The following TEX10 variants were observed in gnomAD, a reference collection of about 807,000 sequenced individuals.
The protein encoded by TEX10 is testis expressed 10.
TEX10 carries 24 observed loss-of-function variants against 104.4 expected under a neutral mutation model. The ratio of observed to expected loss-of-function variants is 0.23; its 90% confidence interval spans 0.17 to 0.32. The LOEUF (loss-of-function observed/expected upper bound fraction) is 0.32. Ranked by LOEUF, TEX10 falls within the 10% of genes least tolerant of loss-of-function variation. The probability of loss-of-function intolerance (pLI) is 1.00; values close to 1 mark genes in which losing one functional copy is unlikely to be tolerated. For missense variants in TEX10, 921 were observed against 1,083.9 expected (o/e 0.85, Z 2.11); for synonymous variants, 396 against 393.4 (o/e 1.01, Z -0.08).
At chr9:100,311,594 T>C (rs1211996106) in intron 11 of TEX10, among the ~76,000 whole-genome samples, 1 of 152,172 alleles carries the variant, frequency 6.6e-6, no homozygotes, top group African/African-American at 2.4e-5. Flanking sequence ...CAGAAAAATA[T>C]TTATGACCCA....
intron 5 of TEX10, among the ~76,000 whole-genome samples, chr9:100,337,801 T>C (rs1473344791): frequency 1.3e-5 from 2 of 152,228 alleles, no homozygotes; most frequent in African/African-American, 4.8e-5. Context: ...ATCCCTTGCA[T>C]TTCTGCCTCC....
At chr9:100,341,645 T>C (rs945115393) in intron 4 of TEX10, among the ~76,000 whole-genome samples, 2 of 152,122 alleles carry the variant, frequency 1.3e-5, no homozygotes, top group Admixed American at 6.5e-5. Flanking sequence ...ATTACTGCAA[T>C]AGCCTCCTAA....
chr9:100,349,151 T>C (rs1564223265), intron 2 of TEX10, 33 bp downstream of exon 2: 5 of 1,494,030 alleles, frequency 3.3e-6, no homozygotes, highest in Non-Finnish European at 4.5e-6. Context: ...CCAAAGAAAA[T>C]CTTATTTTGT....
intron 5 of TEX10, among the ~76,000 whole-genome samples, chr9:100,330,439 A>G (rs1834828616): frequency 1.3e-5 from 2 of 152,232 alleles, no homozygotes; most frequent in East Asian, 1.9e-4. Context: ...AAATGCCCTT[A>G]TAATATTGCC....
At position 100,347,214 on chromosome 9, in the gene TEX10, G is replaced by A. The variant is rs1835321345; in HGVS notation, c.373C>T (p.Leu125=). 1.9e-6 allele frequency: 3 copies of A among 1,613,946 alleles called. 1 individual carries two copies. In the South Asian group the frequency reaches 3.3e-5, roughly 18 times the overall value. ...RLAAVQLLQF[L]APKIRAEQIS... is the part of the protein sequence containing the mutation. Reference sequence around the variant, plus strand: ...TGTTCAGCTCGTATTTTGGGGGCCAGGAATTGAAGAAGTTGAACTGCTGCT... The same window carrying A: ...TGTTCAGCTCGTATTTTGGGGGCCAAGAATTGAAGAAGTTGAACTGCTGCT... The change falls in exon 3 of 15, where the codon CTG becomes TTG. Residue 125 remains leucine, a synonymous_variant. Coordinates refer to ENST00000374902, the MANE Select transcript of TEX10 (RefSeq NM_017746.4).
At chr9:100,314,991 A>G (rs1834379272) in intron 11 of TEX10, among the ~76,000 whole-genome samples, 1 of 152,246 alleles carries the variant, frequency 6.6e-6, no homozygotes, top group Non-Finnish European at 1.5e-5. Flanking sequence ...GCTCAAGAGC[A>G]CGTCATCGTT....
At chr9:100,313,199 A>G (rs954373986) in intron 11 of TEX10, among the ~76,000 whole-genome samples, 1 of 152,174 alleles carries the variant, frequency 6.6e-6, no homozygotes, top group Non-Finnish European at 1.5e-5. Flanking sequence ...TTGCATTCTC[A>G]CTGGACAAGC....
At chr9:100,340,961 C>T (rs986187334) in intron 4 of TEX10, among the ~76,000 whole-genome samples, 4 of 151,972 alleles carry the variant, frequency 2.6e-5, no homozygotes, top group Non-Finnish European at 4.4e-5. Context: ...GGTCACCCTA[C>T]AGCTCAATTT....
Position 100,340,351 on chromosome 9 carries a change from T to C in TEX10, c.1156A>G (p.Asn386Asp). ...THKLESWLRK[N>D]YLIDFKHHFM... ...TGGTGTTTAAAATCAATAAGGTAGT[T>C]CTTTCGAAGCCATGACTCCTATTGA... is the stretch of plus-strand genomic sequence containing the variant. Residue 386 changes from asparagine (N) to aspartate (D), a missense_variant, in exon 5 of 15, where the codon AAC (asparagine) becomes GAC (aspartate). This residue lies in a region of TEX10 where 753 missense variants were observed against 868.4 expected (regional missense o/e 0.87). Coordinates refer to ENST00000374902, the MANE Select transcript of TEX10 (RefSeq NM_017746.4). 2 of 1,562,102 alleles carry C rather than the reference T, an allele frequency of 1.3e-6. No individual in the cohort carries two copies. Among genetic ancestry groups the C allele is most frequent in the Non-Finnish European group, 1.7e-6 (2 of 1,162,688 alleles).
In TEX10 at chr9:100,302,164, C is replaced by A; in HGVS notation, c.*27G>T. The stretch of plus-strand genomic sequence containing the variant: ...AAATAAGATAGATGTGAATAAACAA[C>A]TTCAAACAGGAGGTACTATGGCCTC... On this transcript the variant is annotated 3_prime_UTR_variant, in exon 15 of 15. Transcript: ENST00000374902. The A allele has an allele frequency of 7.3e-7, 1 of 1,373,660 alleles. No individual in the cohort carries two copies. The highest frequency in any genetic ancestry group is 1.4e-5 in the South Asian group (1 of 70,150). The allele number at this position is 1,373,660 out of a possible 1,614,324, so 85.1% of individuals were successfully genotyped here. A position where few individuals can be genotyped will look rare whatever the true frequency, so the allele number is the denominator to read the frequency against.
chr9:100,309,640 A>G (rs1834225019), intron 12 of TEX10, among the ~76,000 whole-genome samples: 1 of 152,240 alleles, frequency 6.6e-6, no homozygotes, highest in Non-Finnish European at 1.5e-5. Context: ...TAACATTTTA[A>G]GAGAAAAAGG....
intron 5 of TEX10, among the ~76,000 whole-genome samples, chr9:100,338,144 G>C (rs147715662): frequency 1.2e-4 from 19 of 152,306 alleles, no homozygotes; most frequent in African/African-American, 4.3e-4. Flanking sequence ...GGCCTAGAAA[G>C]CTGTAAGAGG....
intron 3 of TEX10, 41 bp from the exon 4 acceptor site, chr9:100,346,356 A>ATCACT: frequency 1.9e-6 from 3 of 1,566,732 alleles, no homozygotes; most frequent in Non-Finnish European, 2.6e-6. Context: ...TGATTAAAAA[A>ATCACT]TGTTTATTAT....
At chr9:100,308,767 A>G (rs1834202189) in intron 12 of TEX10, 86 bp from the exon 13 acceptor site, 1 of 1,266,458 alleles carries the variant, frequency 7.9e-7, no homozygotes, top group South Asian at 2.1e-5. Context: ...TTCACGATTA[A>G]CTTTACATTA....
chr9:100,345,551 G>C (rs548127057), intron 4 of TEX10, among the ~76,000 whole-genome samples: 4 of 152,118 alleles, frequency 2.6e-5, no homozygotes, highest in Non-Finnish European at 4.4e-5. Context: ...ACTTAATCTT[G>C]CAGCTTGTTC....
intron 11 of TEX10, among the ~76,000 whole-genome samples, chr9:100,311,774 T>TA (rs1834288556): frequency 6.6e-6 from 1 of 152,138 alleles, no homozygotes. Context: ...CCTTCACAGA[T>TA]ATCAGTCACA....
At chr9:100,317,031 TAGAA>T (rs748285808) in intron 11 of TEX10, among the ~76,000 whole-genome samples, 5 of 151,646 alleles carry the variant, frequency 3.3e-5, no homozygotes, top group Non-Finnish European at 5.9e-5. Flanking sequence ...AATGTTCAGA[TAGAA>T]AGACTGACAT....
chr9:100,343,448 A>G (rs1047061530), intron 4 of TEX10, among the ~76,000 whole-genome samples: 4 of 149,660 alleles, frequency 2.7e-5, no homozygotes, highest in African/African-American at 9.8e-5. Flanking sequence ...TATGAACAGG[A>G]AAAAAAAAAG....
intron 4 of TEX10, among the ~76,000 whole-genome samples, chr9:100,342,190 C>T (rs966755850): frequency 2.0e-5 from 3 of 152,230 alleles, no homozygotes; most frequent in African/African-American, 7.2e-5. Flanking sequence ...TGCTCCTTCA[C>T]TTCAATGACA....
Sources: allele counts gnomAD v4.1 joint callset (sites outside exome capture counted in the v4.1 genomes callset), GRCh38; gene constraint gnomAD v4.1.1; regional missense constraint gnomAD v4.1.1; transcripts MANE v1.5; gene names NCBI Gene and HGNC (gene_info 2026-07-23, HGNC 2026-07-21).